Variants in LONP2 observed in about 807,000 individuals in gnomAD.
LONP2 encodes lon protease homolog 2, peroxisomal.
Under a neutral mutation model 85.6 loss-of-function variants are expected in LONP2, and 60 were observed. The ratio of observed to expected loss-of-function variants is 0.70; its 90% CI spans 0.57 to 0.87. LONP2 has a LOEUF of 0.87. LONP2 is among the 40% of genes least tolerant of loss of function. LONP2 has a pLI of 0.00. For missense variants in LONP2, 860 were observed against 1,063.5 expected (o/e 0.81, Z 2.66); for synonymous variants, 395 against 389.7 (o/e 1.01, Z -0.16).
At chr16:48,261,997 T>G (rs1018709163) in intron 5 of LONP2, among the ~76,000 whole-genome samples, 9 of 152,170 alleles carry the variant, frequency 5.9e-5, no homozygotes, top group African/African-American at 2.2e-4. Context: ...ACTTTTAACT[T>G]TATAACTCTT....
chr16:48,245,796 A>C (rs1971343032), intron 1 of LONP2, among the ~76,000 whole-genome samples: 1 of 152,098 alleles, frequency 6.6e-6, no homozygotes, highest in African/African-American at 2.4e-5. Flanking sequence ...TGGCCACTAA[A>C]ATTTTATATG....
At chr16:48,246,530 G>T (rs1971396232) in intron 1 of LONP2, among the ~76,000 whole-genome samples, 1 of 152,082 alleles carries the variant, frequency 6.6e-6, no homozygotes, top group African/African-American at 2.4e-5. Flanking sequence ...ACTATTTGTT[G>T]GTATTATTCT....
chr16:48,341,299 C>CA lies in LONP2; in HGVS notation c.1939-6203dup, dbSNP rs1362366976. 2.6e-5 allele frequency among the ~76,000 whole-genome samples: 4 copies of CA among 151,448 alleles called. No individual in the cohort carries two copies. In the East Asian group the frequency reaches 7.7e-4, roughly 29 times the overall value. On this transcript the variant is annotated intron_variant, in intron 12 of 14. Coordinates refer to ENST00000285737, the MANE Select transcript of LONP2 (RefSeq NM_031490.5). ...TGGGACACAGAGTGAGACTCCATCT[C>CA]AAAAATAAATAAATAAATAAATAAA...
chr16:48,334,860 C>T (rs946399541), intron 12 of LONP2: 10 of 476,612 alleles, frequency 2.1e-5, no homozygotes, highest in Admixed American at 2.5e-5. Context: ...CACATCTCAG[C>T]GTCTGCAGCT....
chr16:48,336,806 G>A (rs186219563), intron 12 of LONP2, among the ~76,000 whole-genome samples: 69 of 152,292 alleles, frequency 4.5e-4, no homozygotes, highest in African/African-American at 1.3e-3. Context: ...ATGTATACAT[G>A]CAGGTCACAG....
chr16:48,258,657 ACT>A lies in LONP2; in HGVS notation c.641_642del (p.Thr214AsnfsTer9), dbSNP rs1252470480. On this transcript the variant is annotated frameshift_variant, in exon 4 of 15. Coordinates refer to ENST00000285737, the MANE Select transcript of LONP2 (RefSeq NM_031490.5). LOFTEE classifies it high-confidence loss of function. ...GAGCCTAGAGGAGCGGTTCAAGATG[ACT>A]ATACCACTGCTTGTCAGACAAATTG... ...AVSLEERFKMTIPLLVRQIEG... is the reference protein window; with the variant it reads ...AVSLEERFKMXIPLLVRQIEG... 1 of 1,609,796 alleles carries A rather than the reference ACT, an allele frequency of 6.2e-7. No homozygotes were observed. Among genetic ancestry groups the A allele is most frequent in the Admixed American group, 1.7e-5 (1 of 59,312 alleles).
chr16:48,270,403 G>A, intron 7 of LONP2, 129 bp downstream of exon 7: 1 of 1,016,378 alleles, frequency 9.8e-7, no homozygotes, highest in South Asian at 1.6e-5. Context: ...TGAATGAAAA[G>A]GACATTTACA....
chr16:48,261,664 T>C, intron 5 of LONP2, 77 bp downstream of exon 5: 1 of 1,110,646 alleles, frequency 9.0e-7, no homozygotes, highest in African/African-American at 1.6e-5. Context: ...CACTACTCTT[T>C]TCTCCAATAC....
At chr16:48,312,461 A>G (rs1436261600) in intron 11 of LONP2, among the ~76,000 whole-genome samples, 1 of 151,526 alleles carries the variant, frequency 6.6e-6, no homozygotes, top group Admixed American at 6.6e-5. Context: ...TTGGGGCAGG[A>G]CTTTCTTTCC....
At chr16:48,315,342 C>A (rs1270847707) in intron 11 of LONP2, among the ~76,000 whole-genome samples, 2 of 152,184 alleles carry the variant, frequency 1.3e-5, no homozygotes, top group Non-Finnish European at 2.9e-5. Context: ...GTTGCTGTAA[C>A]AGAATACCAC....
At chr16:48,248,753 C>T (rs1490472143) in intron 1 of LONP2, among the ~76,000 whole-genome samples, 2 of 151,878 alleles carry the variant, frequency 1.3e-5, no homozygotes, top group African/African-American at 2.4e-5. Flanking sequence ...CCTGGTGGCA[C>T]GTGCCTGTAC....
intron 7 of LONP2, among the ~76,000 whole-genome samples, chr16:48,276,619 A>C (rs1386782074): frequency 3.3e-5 from 5 of 152,232 alleles, no homozygotes; most frequent in Non-Finnish European, 7.3e-5. Flanking sequence ...TCTTGTCCAA[A>C]TACAATAAAG....
intron 8 of LONP2, among the ~76,000 whole-genome samples, chr16:48,281,559 T>C (rs1221200716): frequency 1.3e-5 from 2 of 152,192 alleles, no homozygotes; most frequent in Non-Finnish European, 2.9e-5. Flanking sequence ...TTACCAGATA[T>C]ATGTTATATT....
chr16:48,327,684 C>G (rs1959287939), intron 11 of LONP2, among the ~76,000 whole-genome samples: 1 of 152,172 alleles, frequency 6.6e-6, no homozygotes. Context: ...TCTCGAACTC[C>G]TCACCTCAGG....
intron 12 of LONP2, among the ~76,000 whole-genome samples, chr16:48,346,573 G>A (rs565658750): frequency 5.3e-5 from 8 of 152,104 alleles, no homozygotes; most frequent in East Asian, 1.9e-4. Flanking sequence ...AAAGGTAAGC[G>A]GTGGAGAAGT....
chr16:48,311,827 G>A (rs1973037188), intron 11 of LONP2, among the ~76,000 whole-genome samples: 1 of 151,976 alleles, frequency 6.6e-6, no homozygotes, highest in Admixed American at 6.6e-5. Context: ...ATACTGTGTT[G>A]CCCAGGCTAG....
At chr16:48,244,855 C>T (rs577530000) in intron 1 of LONP2, among the ~76,000 whole-genome samples, 22 of 152,330 alleles carry the variant, frequency 1.4e-4, no homozygotes, top group African/African-American at 5.1e-4. Flanking sequence ...TACGCAGTTC[C>T]CTACCGTTCT....
At chr16:48,332,930 A>ACAG in intron 11 of LONP2, among the ~76,000 whole-genome samples, 1 of 143,668 alleles carries the variant, frequency 7.0e-6, no homozygotes, top group African/African-American at 2.7e-5. Flanking sequence ...TAGATAGACA[A>ACAG]TGTTAGATAA....
rs1960252125 is a variant in LONP2 at position 48,354,195 on chromosome 16, GCT to G, written c.*2394_*2395del. On this transcript the variant is annotated 3_prime_UTR_variant, in exon 15 of 15. Transcript: ENST00000285737. ...GGATCTAAGCATGTCCACTCTACAC[GCT>G]TTTTTTTTTTTTTTTTTTTTTTTTT... 1.1e-5 allele frequency: 1 copy of G among 93,532 alleles called. No individual in the cohort carries two copies. Among genetic ancestry groups the G allele is most frequent in the African/African-American group, 4.2e-5 (1 of 23,664 alleles). 5.8% of individuals were successfully genotyped at this position (93,532 alleles called of 1,614,324 possible).
Sources: allele counts gnomAD v4.1 joint callset (sites outside exome capture counted in the v4.1 genomes callset), GRCh38; gene constraint gnomAD v4.1.1; transcripts MANE v1.5; gene names NCBI Gene and HGNC (gene_info 2026-07-23, HGNC 2026-07-21).